The following TMEM150B variants were observed in gnomAD, a reference collection of about 807,000 sequenced individuals.
TMEM150B encodes modulator of macroautophagy TMEM150B.
In TMEM150B, 33 loss-of-function variants were observed where a neutral mutation model predicts 25.2. That is an observed-to-expected ratio of 1.31 (90% confidence interval 0.99 to 1.75). The LOEUF is 1.75. TMEM150B is among the 40% of genes most tolerant of loss of function. The pLI, the probability that TMEM150B is intolerant of heterozygous loss-of-function variation, is 0.00. For synonymous variants in TMEM150B, 133 were observed against 134.8 expected (o/e 0.99, Z 0.09); for missense variants, 322 against 306.1 (o/e 1.05, Z -0.39).
At chr19:55,323,156 G>A (rs948331414) in intron 1 of TMEM150B, among the ~76,000 whole-genome samples, 5 of 152,192 alleles carry the variant, frequency 3.3e-5, no homozygotes, top group Non-Finnish European at 5.9e-5. Flanking sequence ...ACTCGGCCAG[G>A]CACGGCGGCT....
chr19:55,321,763 C>G (rs994296251), intron 2 of TMEM150B, among the ~76,000 whole-genome samples: 1 of 152,152 alleles, frequency 6.6e-6, no homozygotes, highest in Non-Finnish European at 1.5e-5. Context: ...AGATATTCTT[C>G]TCCAGCTCCT....
In TMEM150B at chr19:55,320,825, A is replaced by G; in HGVS notation, c.68+144T>C. The G allele has an allele frequency of 2.7e-6, 3 of 1,111,288 alleles. No individual in the cohort carries two copies. The South Asian group carries it at 4.8e-5, about 18-fold the overall frequency. The allele number at this position is 1,111,288 out of a possible 1,614,324, so 68.8% of individuals were successfully genotyped here. On this transcript the variant is annotated intron_variant, in intron 3 of 7. Transcript: ENST00000326652. The stretch of plus-strand genomic sequence containing the variant: ...AGACCCCCAGCCCCTCCTCCCTCAG[A>G]CCCAGGAGTCCAGGCCTCCAGCTCC...
At chr19:55,312,744 G>T (rs2088840300), downstream of TMEM150B, 2 of 1,199,426 alleles carry the variant, frequency 1.7e-6, no homozygotes, top group African/African-American at 3.1e-5. Context: ...GTCAGCGGCA[G>T]CCCCAGCTGG....
downstream of TMEM150B, chr19:55,312,249 A>T: frequency 7.6e-6 from 2 of 262,224 alleles, no homozygotes; most frequent in Admixed American, 6.1e-5. Flanking sequence ...CTAGGGGAAC[A>T]GGGGGCGGGG....
At chr19:55,312,096 C>A, downstream of TMEM150B, 1 of 1,050,010 alleles carries the variant, frequency 9.5e-7, no homozygotes, top group Non-Finnish European at 1.3e-6. Flanking sequence ...GGGAGGGGAC[C>A]CCCCTCCACC....
chr19:55,314,800 A>G (rs1316768003), intron 7 of TMEM150B, among the ~76,000 whole-genome samples: 1 of 152,202 alleles, frequency 6.6e-6, no homozygotes, highest in Non-Finnish European at 1.5e-5. Flanking sequence ...TTGTGAAGAT[A>G]CACTTTGTCA....
downstream of TMEM150B, chr19:55,311,999 C>T (rs561021302): frequency 1.4e-5 from 21 of 1,541,524 alleles, no homozygotes; most frequent in East Asian, 2.9e-4. Flanking sequence ...CAGAGCTGAG[C>T]AGCTCTCCCC....
At chr19:55,321,154 C>T (rs2123127090) in intron 2 of TMEM150B, 61 bp from the exon 3 acceptor site, 4 of 1,465,156 alleles carry the variant, frequency 2.7e-6, no homozygotes, top group Middle Eastern at 1.9e-4. Flanking sequence ...AACCACTAGG[C>T]CCCGCTTGGC....
At chr19:55,322,952 T>C (rs1213906885) in intron 1 of TMEM150B, among the ~76,000 whole-genome samples, 1 of 152,020 alleles carries the variant, frequency 6.6e-6, no homozygotes, top group Non-Finnish European at 1.5e-5. Context: ...TGGACTCAGA[T>C]CGGAGCCTCC....
rs1345611269 is a variant in TMEM150B, at chr19:55,313,047, G to A, written c.514C>T (p.Leu172Phe). 4 of 1,610,294 alleles carry A rather than the reference G, an allele frequency of 2.5e-6. No individual in the cohort carries two copies. Among genetic ancestry groups the A allele is most frequent in the Non-Finnish European group, 3.4e-6 (4 of 1,178,702 alleles). The change falls in exon 8 of 8, where the codon CTC becomes TTC. Residue 172 changes from leucine to phenylalanine, a missense_variant. Leu to Phe is a conservative substitution (Grantham distance 22, BLOSUM62 0). Transcript: ENST00000326652. ...CTILIVAMIV[L>F]HACSLRSVSA... ...ACGCTACGCAGCGAGCAGGCGTGGAGGACGATCACTGCCCCAGGGTCAAGG... is the reference window on the plus strand; with the variant it reads ...ACGCTACGCAGCGAGCAGGCGTGGAAGACGATCACTGCCCCAGGGTCAAGG...
chr19:55,316,715 A>C (rs565009156), intron 7 of TMEM150B, 71 bp downstream of exon 7: 11 of 1,352,452 alleles, frequency 8.1e-6, no homozygotes, highest in Admixed American at 3.7e-5. Flanking sequence ...CCAGTGACAG[A>C]CAGCCAGGCA....
chr19:55,316,319 C>A (rs917885866), intron 7 of TMEM150B, among the ~76,000 whole-genome samples: 1 of 151,364 alleles, frequency 6.6e-6, no homozygotes, highest in Non-Finnish European at 1.5e-5. Context: ...GCATCCTGGC[C>A]GAAAGACTTT....
intron 7 of TMEM150B, among the ~76,000 whole-genome samples, chr19:55,313,301 A>G (rs1487055024): frequency 1.3e-5 from 2 of 151,882 alleles, no homozygotes; most frequent in Non-Finnish European, 2.9e-5. Flanking sequence ...CAATCCTAAT[A>G]TCCTGAAATG....
chr19:55,323,897 C>T (rs1161864673), intron 1 of TMEM150B, among the ~76,000 whole-genome samples: 4 of 148,912 alleles, frequency 2.7e-5, no homozygotes, highest in Non-Finnish European at 4.4e-5. Flanking sequence ...ACCTCCACCT[C>T]CTGGGTTCAA....
At chr19:55,315,629 C>T (rs977887667) in intron 7 of TMEM150B, among the ~76,000 whole-genome samples, 12 of 151,670 alleles carry the variant, frequency 7.9e-5, no homozygotes, top group African/African-American at 2.9e-4. Context: ...GGCATGGTGG[C>T]TGGCGCCTGT....
At chr19:55,309,736 T>C (rs2088739346), downstream of TMEM150B, among the ~76,000 whole-genome samples, 1 of 152,178 alleles carries the variant, frequency 6.6e-6, no homozygotes, top group Non-Finnish European at 1.5e-5. Flanking sequence ...GAGGATGCAG[T>C]GTTCAGTAGA....
At chr19:55,312,794 G>T, downstream of TMEM150B, 1 of 1,465,854 alleles carries the variant, frequency 6.8e-7, no homozygotes, top group Non-Finnish European at 9.2e-7. Flanking sequence ...TGGGTGCGGG[G>T]CACTGGGATT....
intron 7 of TMEM150B, among the ~76,000 whole-genome samples, chr19:55,313,387 C>T (rs1019108399): frequency 8.5e-5 from 13 of 152,148 alleles, no homozygotes; most frequent in Admixed American, 2.0e-4. Context: ...GCTGCCATTG[C>T]TCCTGCCTGT....
At chr19:55,316,262 G>T (rs77869823) in intron 7 of TMEM150B, among the ~76,000 whole-genome samples, 1 of 152,108 alleles carries the variant, frequency 6.6e-6, no homozygotes, top group African/African-American at 2.4e-5. Context: ...CAGAGCCTGC[G>T]CAAGCCACCT....
Sources: allele counts gnomAD v4.1 joint callset (sites outside exome capture counted in the v4.1 genomes callset), GRCh38; gene constraint gnomAD v4.1.1; transcripts MANE v1.5; gene names NCBI Gene and HGNC (gene_info 2026-07-23, HGNC 2026-07-21).